Variants in SRRM4 observed in about 807,000 individuals in gnomAD.
SRRM4 encodes the protein serine/arginine repetitive matrix protein 4.
SRRM4 carries 33 observed loss-of-function variants against 68.9 expected under a neutral mutation model. The observed-to-expected ratio is 0.48, with a 90% CI of 0.36 to 0.64. The LOEUF (loss-of-function observed/expected upper bound fraction) is 0.64. SRRM4 is among the 30% of genes least tolerant of loss of function. The probability of loss-of-function intolerance (pLI) is 0.00; values close to 1 mark genes in which losing one functional copy is unlikely to be tolerated. For synonymous variants in SRRM4, 318 were observed against 318.8 expected (o/e 1.00, Z 0.03); for missense variants, 817 against 827.1 (o/e 0.99, Z 0.15).
At chr12:119,100,578 T>C (rs978800408) in intron 1 of SRRM4, among the ~76,000 whole-genome samples, 4 of 152,156 alleles carry the variant, frequency 2.6e-5, no homozygotes, top group African/African-American at 9.7e-5. Flanking sequence ...CATTCCGTAA[T>C]CACAGGAGAC....
intron 1 of SRRM4, among the ~76,000 whole-genome samples, chr12:119,043,934 C>T (rs936310991): frequency 2.0e-5 from 3 of 152,106 alleles, no homozygotes; most frequent in African/African-American, 7.2e-5. Flanking sequence ...GGCGCGATCT[C>T]AGCTCACCAC....
At chr12:119,093,251 G>GT in intron 1 of SRRM4, among the ~76,000 whole-genome samples, 1 of 152,090 alleles carries the variant, frequency 6.6e-6, no homozygotes, top group Non-Finnish European at 1.5e-5. Context: ...ACCAAGCAAG[G>GT]TTTTTTTCTC....
chr12:119,056,782 C>T (rs1282190063), intron 1 of SRRM4, among the ~76,000 whole-genome samples: 1 of 152,072 alleles, frequency 6.6e-6, no homozygotes, highest in Non-Finnish European at 1.5e-5. Context: ...TCCTTTGTTG[C>T]ACATATCACA....
intron 1 of SRRM4, among the ~76,000 whole-genome samples, chr12:119,025,245 G>A (rs902896191): frequency 2.6e-5 from 4 of 151,968 alleles, no homozygotes; most frequent in Non-Finnish European, 2.9e-5. Context: ...GCAGAGGATC[G>A]GGCAGTGCAA....
intron 1 of SRRM4, among the ~76,000 whole-genome samples, chr12:119,047,470 T>C (rs1273397892): frequency 6.6e-6 from 1 of 152,170 alleles, no homozygotes; most frequent in Non-Finnish European, 1.5e-5. Context: ...TGTAGTCTTT[T>C]ATCCCTCACC....
chr12:119,023,117 TCA>T (rs1206682935), intron 1 of SRRM4, among the ~76,000 whole-genome samples: 1 of 152,210 alleles, frequency 6.6e-6, no homozygotes, highest in African/African-American at 2.4e-5. Flanking sequence ...GGCTGAGAGC[TCA>T]GACTCCTCTG....
At chr12:119,080,029 ACTCAAATG>A (rs1420880110) in intron 1 of SRRM4, among the ~76,000 whole-genome samples, 2 of 151,982 alleles carry the variant, frequency 1.3e-5, no homozygotes, top group Non-Finnish European at 2.9e-5. Flanking sequence ...GCCCCTCTCC[ACTCAAATG>A]CTCAGGAGAA....
chr12:119,017,936 G>A (rs1172430159), intron 1 of SRRM4, among the ~76,000 whole-genome samples: 2 of 152,164 alleles, frequency 1.3e-5, no homozygotes, highest in Non-Finnish European at 2.9e-5. Flanking sequence ...GTTGACTTGG[G>A]CAGGTTAGTT....
intron 1 of SRRM4, among the ~76,000 whole-genome samples, chr12:119,009,497 A>G (rs1230379642): frequency 2.0e-5 from 3 of 152,166 alleles, no homozygotes; most frequent in South Asian, 2.1e-4. Flanking sequence ...TGCCTCAGCC[A>G]TCAGAGTTGC....
At chr12:119,055,695 C>A (rs2136018912) in intron 1 of SRRM4, among the ~76,000 whole-genome samples, 1 of 152,354 alleles carries the variant, frequency 6.6e-6, no homozygotes, top group Admixed American at 6.5e-5. Context: ...TAACACAGGA[C>A]AGTTAGCTCT....
intron 1 of SRRM4, among the ~76,000 whole-genome samples, chr12:119,052,445 T>C (rs1315017014): frequency 6.6e-6 from 1 of 152,194 alleles, no homozygotes; most frequent in Non-Finnish European, 1.5e-5. Flanking sequence ...TATAGCTTAG[T>C]TTAATTCCAA....
chr12:119,066,683 G>A (rs927386730), intron 1 of SRRM4, among the ~76,000 whole-genome samples: 17 of 152,342 alleles, frequency 1.1e-4, no homozygotes, highest in South Asian at 2.1e-4. Flanking sequence ...ATAATAAATC[G>A]TCTACAGCCC....
chr12:119,065,024 A>T (rs968706808), intron 1 of SRRM4, among the ~76,000 whole-genome samples: 1 of 152,168 alleles, frequency 6.6e-6, no homozygotes, highest in African/African-American at 2.4e-5. Flanking sequence ...AATCATGTTA[A>T]CCTCTTTATA....
chr12:119,077,132 A>C (rs1953921511), intron 1 of SRRM4, among the ~76,000 whole-genome samples: 1 of 152,230 alleles, frequency 6.6e-6, no homozygotes, highest in Admixed American at 6.5e-5. Context: ...TGATAAAGTC[A>C]AATGGGATAT....
At chr12:119,124,002 G>A (rs910743624) in intron 6 of SRRM4, among the ~76,000 whole-genome samples, 1 of 152,220 alleles carries the variant, frequency 6.6e-6, no homozygotes, top group Admixed American at 6.5e-5. Flanking sequence ...AGGATGGGAA[G>A]TAACCATTCC....
intron 1 of SRRM4, among the ~76,000 whole-genome samples, chr12:119,044,740 G>C (rs944789025): frequency 6.6e-6 from 1 of 152,106 alleles, no homozygotes; most frequent in African/African-American, 2.4e-5. Flanking sequence ...AGAAAAAAAA[G>C]CCTGGCACAT....
intron 1 of SRRM4, among the ~76,000 whole-genome samples, chr12:118,985,777 G>T (rs1030411186): frequency 6.6e-6 from 1 of 152,142 alleles, no homozygotes; most frequent in African/African-American, 2.4e-5. Flanking sequence ...TGAAAACCTA[G>T]TGCTTAAGGC....
chr12:119,145,046 C>A (rs539087091), intron 8 of SRRM4, among the ~76,000 whole-genome samples: 1 of 152,112 alleles, frequency 6.6e-6, no homozygotes, highest in Admixed American at 6.5e-5. Context: ...GGTGTTTACA[C>A]CCCCTTTCTA....
Position 118,981,758 on chromosome 12 carries a change from T to C in SRRM4, c.-125T>C. The C allele has an allele frequency of 9.6e-7, 1 of 1,039,016 alleles. No individual in the cohort carries two copies. Among genetic ancestry groups the C allele is most frequent in the Admixed American group, 3.0e-5 (1 of 33,614 alleles). 64.4% of individuals were successfully genotyped at this position (1,039,016 alleles called of 1,614,324 possible). ...ATCCCCCGCCCTGAACTCCGATCTC[T>C]CCCACCCCACCCCTCTCTGGGTTTC... On this transcript the variant is annotated 5_prime_UTR_variant, in exon 1 of 13. Transcript: ENST00000267260.
Sources: gnomAD v4.1 joint callset for allele counts (sites outside exome capture counted in the v4.1 genomes callset) on GRCh38, gnomAD v4.1.1 for gene constraint, MANE v1.5 for transcripts, NCBI Gene and HGNC (gene_info 2026-07-23, HGNC 2026-07-21) for gene names.